Variants in MDN1 observed in about 807,000 individuals in gnomAD.
The protein encoded by MDN1 is midasin AAA ATPase 1.
MDN1 carries 266 observed loss-of-function variants against 669.2 expected under a neutral mutation model. That is an observed-to-expected ratio of 0.40 (90% CI 0.36 to 0.44). MDN1 has a LOEUF of 0.44. Among genes scored for constraint, MDN1 ranks in the 20% least tolerant of loss-of-function variants. The pLI is 1.00. For synonymous variants in MDN1, 2,385 were observed against 2,457.1 expected (o/e 0.97, Z 0.87); for missense variants, 5,940 against 6,754.0 (o/e 0.88, Z 4.22).
chr6:89,664,798 T>G (rs1299283731), intron 84 of MDN1, among the ~76,000 whole-genome samples, 170 bp from the exon 85 acceptor site: 3 of 152,216 alleles, frequency 2.0e-5, no homozygotes. Flanking sequence ...GGAGTTAGTT[T>G]CCACTTGTTT....
chr6:89,678,171 C>T (rs1434623727), intron 75 of MDN1, among the ~76,000 whole-genome samples: 1 of 152,008 alleles, frequency 6.6e-6, no homozygotes, highest in African/African-American at 2.4e-5. Context: ...ACTTGGGAGG[C>T]TGAGGCAGGA....
intron 31 of MDN1, among the ~76,000 whole-genome samples, chr6:89,741,630 G>T (rs1366518153): frequency 1.3e-5 from 2 of 152,066 alleles, no homozygotes; most frequent in Non-Finnish European, 2.9e-5. Flanking sequence ...AGTGTTTAAG[G>T]TACTTTTCAG....
At chr6:89,756,054 T>A (rs975685223) in intron 20 of MDN1, among the ~76,000 whole-genome samples, 1 of 152,226 alleles carries the variant, frequency 6.6e-6, no homozygotes, top group Non-Finnish European at 1.5e-5. Flanking sequence ...ATGGTTTATA[T>A]CTTCTCATAG....
chr6:89,785,204 C>T, intron 8 of MDN1, 78 bp from the exon 9 acceptor site: 1 of 924,664 alleles, frequency 1.1e-6, no homozygotes, highest in Non-Finnish European at 1.8e-6. Context: ...ATATTACTTG[C>T]TGTACACTGT....
In MDN1 at chr6:89,793,854, G is replaced by T; in HGVS notation, c.763C>A (p.Gln255Lys). The change falls in exon 5 of 102, where the codon CAG becomes AAG. Residue 255 changes from glutamine (Q) to lysine (K), a missense_variant. Physicochemically the swap from Gln to Lys is moderately conservative, Grantham distance 53 (BLOSUM62 1). Coordinates refer to ENST00000369393, the MANE Select transcript of MDN1 (RefSeq NM_014611.3). Reference sequence around the variant, plus strand: ...AGGTCAGACGAAACAAGATGTCCCTGTAAGTACTGCAGCTCCTTCTGCTTA... The same window carrying T: ...AGGTCAGACGAAACAAGATGTCCCTTTAAGTACTGCAGCTCCTTCTGCTTA... ...WRKQKELQYL[Q>K]GHLVSSDLSP... 6.2e-7 allele frequency: 1 copy of T among 1,614,168 alleles called. No individual in the cohort carries two copies. The highest frequency in any genetic ancestry group is 8.5e-7 in the Non-Finnish European group (1 of 1,180,014).
Position 89,745,874 on chromosome 6 carries a change from A to C in MDN1, c.3905-248T>G, listed in dbSNP as rs572482185. On this transcript the variant is annotated intron_variant, in intron 27 of 101. Coordinates refer to ENST00000369393, the MANE Select transcript of MDN1 (RefSeq NM_014611.3). ...AAGACATAAGCAGGAATGTTCAGAG[A>C]AGCTTTGTTCATAACTAAAAAATTA... 3.3e-5 allele frequency among the ~76,000 whole-genome samples: 5 copies of C among 152,360 alleles called. No homozygotes were observed. In the South Asian group the frequency reaches 6.2e-4, roughly 19 times the overall value.
At position 89,723,545 on chromosome 6, in the gene MDN1, AT is replaced by A. The variant is rs753384259; in HGVS notation, c.5744del (p.Asn1915IlefsTer17). On this transcript the variant is annotated frameshift_variant, in exon 39 of 102. Coordinates refer to ENST00000369393, the MANE Select transcript of MDN1 (RefSeq NM_014611.3). LOFTEE classifies it high-confidence loss of function. The part of the protein sequence containing the change: ...ASTLFPAIEK[N>X]IVKKMVAFNN... ...TGAAAGCAACCATTTTCTTAACAAT[AT>A]TTTTCTCAATGGCTGGAAACAAAGT... The A allele has an allele frequency of 6.3e-7, 1 of 1,597,150 alleles. No individual in the cohort carries two copies. The highest frequency in any genetic ancestry group is 1.1e-5 in the South Asian group (1 of 89,504).
At chr6:89,715,543 T>G (rs1562130666) in intron 45 of MDN1, 110 bp downstream of exon 45, 4 of 726,908 alleles carry the variant, frequency 5.5e-6, no homozygotes, top group African/African-American at 3.5e-5. Flanking sequence ...TGGGTGAACT[T>G]CTCCATGATT....
At chr6:89,693,514 A>T (rs1366802101) in intron 62 of MDN1, among the ~76,000 whole-genome samples, 1 of 152,168 alleles carries the variant, frequency 6.6e-6, no homozygotes, top group Non-Finnish European at 1.5e-5. Context: ...TGGAACTCAG[A>T]ACCTACTACA....
chr6:89,675,680 A>G, intron 77 of MDN1, 101 bp from the exon 78 acceptor site: 1 of 911,180 alleles, frequency 1.1e-6, no homozygotes, highest in Non-Finnish European at 1.7e-6. Context: ...CAGACATGCC[A>G]CACTCTAGAG....
At chr6:89,755,026 C>T (rs183006270) in intron 20 of MDN1, among the ~76,000 whole-genome samples, 11 of 152,154 alleles carry the variant, frequency 7.2e-5, no homozygotes, top group Admixed American at 6.5e-4. Flanking sequence ...ACTACTTGTA[C>T]TATCAGTATT....
chr6:89,652,607 CTTAA>C (rs983173670), intron 94 of MDN1, among the ~76,000 whole-genome samples: 2 of 152,172 alleles, frequency 1.3e-5, no homozygotes, highest in African/African-American at 2.4e-5. Context: ...AGCTCAAGAA[CTTAA>C]TTAAATAGCT....
chr6:89,735,796 C>T (rs537642471), intron 33 of MDN1, among the ~76,000 whole-genome samples: 3 of 152,204 alleles, frequency 2.0e-5, no homozygotes, highest in Non-Finnish European at 2.9e-5. Context: ...CCAAGGCGGG[C>T]GGATCACAAG....
intron 11 of MDN1, among the ~76,000 whole-genome samples, chr6:89,777,208 C>A (rs939157010): frequency 6.6e-6 from 1 of 152,148 alleles, no homozygotes; most frequent in African/African-American, 2.4e-5. Context: ...ATGGACTGTA[C>A]CCCAAATATG....
rs563175635 is a variant in MDN1, at chr6:89,738,649, TATC to T, written c.4594-197_4594-195del. Among the ~76,000 whole-genome samples the T allele has an allele frequency of 2.0e-3, 300 of 152,320 alleles. 2 individuals are homozygous for T. The highest frequency in any genetic ancestry group is 6.8e-3 in the African/African-American group (284 of 41,582). On this transcript the variant is annotated intron_variant, in intron 32 of 101. Coordinates refer to ENST00000369393, the MANE Select transcript of MDN1 (RefSeq NM_014611.3). ...CCTTATATTCCATGACACCTTCCAG[TATC>T]ATCATCACTTTCTTAATAGACGTGG...
rs1033508148 is a variant in MDN1, at chr6:89,712,668, G to A, written c.7337C>T (p.Thr2446Ile). 3.1e-6 allele frequency: 5 copies of A among 1,614,012 alleles called. No homozygotes were observed. Among genetic ancestry groups the A allele is most frequent in the Non-Finnish European group, 4.2e-6 (5 of 1,179,988 alleles). ...PDSVPSALFA[T>I]EDSHLSTVRR... ...GACTGTAGACAGGTGTGAATCTTCA[G>A]TAGCAAAGAGAGCTGAGGGCACAGA... Residue 2446 changes from threonine to isoleucine, a missense_variant, in exon 48 of 102, where the codon ACT becomes ATT. Physicochemically the swap from Thr to Ile is moderately conservative, Grantham distance 89. Coordinates refer to ENST00000369393, the MANE Select transcript of MDN1 (RefSeq NM_014611.3).
At position 89,818,162 on chromosome 6, in the gene MDN1, A is replaced by G. The variant is rs535919174; in HGVS notation, c.102+1344T>C. On this transcript the variant is annotated intron_variant, in intron 1 of 101. Transcript: ENST00000369393. The stretch of plus-strand genomic sequence containing the variant: ...GTGAAACCCTGTCTCTACTAAAAAT[A>G]CAAAATATTAGCCAGGCATGGTGGC... Among the ~76,000 whole-genome samples the G allele has an allele frequency of 4.0e-5, 6 of 151,672 alleles. No homozygotes were observed. The South Asian group carries it at 6.3e-4, about 16-fold the overall frequency.
intron 23 of MDN1, 38 bp downstream of exon 23, chr6:89,751,393 G>GT: frequency 6.2e-7 from 1 of 1,612,748 alleles, no homozygotes; most frequent in Non-Finnish European, 8.5e-7. Flanking sequence ...GCCTATGCCT[G>GT]TATCAAGTTC....
chr6:89,739,133 A>G (rs1213914417), intron 32 of MDN1, among the ~76,000 whole-genome samples: 1 of 152,182 alleles, frequency 6.6e-6, no homozygotes, highest in Non-Finnish European at 1.5e-5. Flanking sequence ...CCCAGGAATA[A>G]AGCATACGTG....
Sources: allele counts gnomAD v4.1 joint callset (sites outside exome capture counted in the v4.1 genomes callset), GRCh38; gene constraint gnomAD v4.1.1; transcripts MANE v1.5; gene names NCBI Gene and HGNC (gene_info 2026-07-23, HGNC 2026-07-21).